LMBR1: variants seen among roughly 807,000 people sequenced by gnomAD.
The protein encoded by LMBR1 is limb development membrane protein 1, also known as limb region 1 protein homolog.
LMBR1 carries 52 observed loss-of-function variants against 73.9 expected under a neutral mutation model. That is an observed-to-expected ratio of 0.70 (90% CI 0.56 to 0.89). LMBR1 has a LOEUF of 0.89. Ranked by LOEUF, LMBR1 falls within the 40% of genes least tolerant of loss-of-function variation. The pLI is 0.00. For missense variants in LMBR1, 539 were observed against 579.8 expected, an observed-to-expected ratio of 0.93 and a Z score of 0.72; for synonymous variants, 215 against 209.4, an observed-to-expected ratio of 1.03 and a Z score of -0.23.
chr7:156,868,598 G>A (rs1321540385), intron 1 of LMBR1, among the ~76,000 whole-genome samples: 1 of 152,000 alleles, frequency 6.6e-6, no homozygotes, highest in African/African-American at 2.4e-5. Context: ...TGGAGGCGGA[G>A]GTTGCAGTGA....
At chr7:156,779,913 A>C (rs1274912339) in intron 5 of LMBR1, among the ~76,000 whole-genome samples, 1 of 152,230 alleles carries the variant, frequency 6.6e-6, no homozygotes, top group African/African-American at 2.4e-5. Context: ...GATTGCACCA[A>C]ACATATACAC....
rs1323813190 is a variant in LMBR1 at position 156,763,865 on chromosome 7, T to C, written c.424-70A>G. The C allele has an allele frequency of 1.6e-5, 21 of 1,278,338 alleles. No homozygotes were observed. Among genetic ancestry groups the C allele is most frequent in the Admixed American group, 1.4e-4 (5 of 36,926 alleles). 79.2% of individuals were successfully genotyped at this position (1,278,338 alleles called of 1,614,324 possible). The stretch of plus-strand genomic sequence containing the variant: ...TCATGAACAATAAGGTTTCTGCCTA[T>C]ATGAAAGCATAAAATAATCCCTTGG... On this transcript the variant is annotated intron_variant, in intron 5 of 16. Transcript: ENST00000353442.
At chr7:156,724,848 TAAAAA>T (rs896715684) in intron 14 of LMBR1, among the ~76,000 whole-genome samples, 4 of 149,506 alleles carry the variant, frequency 2.7e-5, no homozygotes, top group African/African-American at 9.8e-5. Flanking sequence ...AAATATAAAA[TAAAAA>T]CAAAACAAGC....
intron 5 of LMBR1, among the ~76,000 whole-genome samples, chr7:156,788,011 T>C (rs1454832324): frequency 6.6e-6 from 1 of 152,238 alleles, no homozygotes; most frequent in Non-Finnish European, 1.5e-5. Flanking sequence ...TGACCTCAGG[T>C]AATCCACCTG....
At chr7:156,873,112 C>T (rs888802403) in intron 1 of LMBR1, among the ~76,000 whole-genome samples, 1 of 152,272 alleles carries the variant, frequency 6.6e-6, no homozygotes, top group Middle Eastern at 3.4e-3. Context: ...AGAATGAAGC[C>T]GCGGACTCTT....
intron 1 of LMBR1, among the ~76,000 whole-genome samples, chr7:156,848,489 A>C (rs925483370): frequency 2.0e-5 from 3 of 152,132 alleles, no homozygotes; most frequent in Non-Finnish European, 2.9e-5. Flanking sequence ...ATCTCACACC[A>C]AGTCAGAGTG....
intron 1 of LMBR1, among the ~76,000 whole-genome samples, chr7:156,847,184 A>C (rs896899031): frequency 5.3e-5 from 8 of 152,326 alleles, no homozygotes; most frequent in South Asian, 2.1e-4. Flanking sequence ...ATAATGAAGA[A>C]AGGATCACCT....
intron 9 of LMBR1, among the ~76,000 whole-genome samples, chr7:156,738,673 A>T (rs995662086): frequency 6.6e-6 from 1 of 152,176 alleles, no homozygotes; most frequent in Non-Finnish European, 1.5e-5. Context: ...TGAGGGCCCC[A>T]TTCTAGGCCC....
At chr7:156,710,140 C>T (rs769536870) in intron 15 of LMBR1, among the ~76,000 whole-genome samples, 51 of 150,100 alleles carry the variant, frequency 3.4e-4, no homozygotes, top group Non-Finnish European at 5.6e-4. Flanking sequence ...CTCCCGACCT[C>T]GTGATCTGCC....
At chr7:156,728,544 G>C (rs930405670) in intron 11 of LMBR1, 100 bp downstream of exon 11, 1 of 787,878 alleles carries the variant, frequency 1.3e-6, no homozygotes. Flanking sequence ...TAGAAAACTA[G>C]TTTATGAAAA....
intron 1 of LMBR1, among the ~76,000 whole-genome samples, chr7:156,884,392 CA>C (rs904473015): frequency 1.1e-4 from 16 of 144,372 alleles, no homozygotes; most frequent in Admixed American, 1.4e-4. Context: ...TGAACACAAG[CA>C]AAAAAAAAAA....
At chr7:156,866,360 T>C (rs79039307) in intron 1 of LMBR1, among the ~76,000 whole-genome samples, 2,433 of 151,870 alleles carry the variant, frequency 0.016, 62 homozygotes, top group African/African-American at 0.055. Flanking sequence ...AGAGGAGAGG[T>C]CTACGTAAGC....
At chr7:156,686,765 G>C (rs1239519573) in intron 16 of LMBR1, among the ~76,000 whole-genome samples, 1 of 152,192 alleles carries the variant, frequency 6.6e-6, no homozygotes, top group East Asian at 1.9e-4. Flanking sequence ...CTCATTTAGC[G>C]AATGGAAAGT....
intron 15 of LMBR1, among the ~76,000 whole-genome samples, chr7:156,719,115 T>C (rs1813893832): frequency 6.7e-6 from 1 of 149,630 alleles, no homozygotes. Context: ...GTATATCTCC[T>C]AATGCTATCC....
intron 15 of LMBR1, among the ~76,000 whole-genome samples, chr7:156,695,405 G>A (rs1283578646): frequency 6.6e-6 from 1 of 152,194 alleles, no homozygotes. Flanking sequence ...ATTGGCTCAT[G>A]ATTCCATGGG....
chr7:156,718,848 C>T (rs1813813941), intron 15 of LMBR1, among the ~76,000 whole-genome samples: 4 of 150,326 alleles, frequency 2.7e-5, no homozygotes, highest in Admixed American at 1.3e-4. Context: ...TTAACTGTAA[C>T]GTTTTTCAAG....
chr7:156,805,253 T>C (rs1423906017), intron 4 of LMBR1, among the ~76,000 whole-genome samples: 2 of 149,962 alleles, frequency 1.3e-5, no homozygotes, highest in African/African-American at 4.9e-5. Context: ...AGTCTTGCTC[T>C]GTCATCCAGG....
chr7:156,687,071 G>C (rs1251973471), intron 16 of LMBR1, among the ~76,000 whole-genome samples: 1 of 152,116 alleles, frequency 6.6e-6, no homozygotes, highest in Non-Finnish European at 1.5e-5. Flanking sequence ...GCCTCCCAAA[G>C]GTCACCCTCT....
chr7:156,801,460 A>C (rs1830959015), intron 4 of LMBR1, among the ~76,000 whole-genome samples: 1 of 152,226 alleles, frequency 6.6e-6, no homozygotes, highest in African/African-American at 2.4e-5. Flanking sequence ...TTATTGCCAC[A>C]TTCGCTTCAT....
Sources: gnomAD v4.1 joint callset for allele counts (sites outside exome capture counted in the v4.1 genomes callset) on GRCh38, gnomAD v4.1.1 for gene constraint, MANE v1.5 for transcripts, NCBI Gene and HGNC (gene_info 2026-07-23, HGNC 2026-07-21) for gene names.